DLGAP2: variants seen among roughly 807,000 people sequenced by gnomAD.
DLGAP2 encodes the protein DLG associated protein 2.
Under a neutral mutation model 100.3 loss-of-function variants are expected in DLGAP2, and 26 were observed. That is an observed-to-expected ratio of 0.26 (90% confidence interval 0.19 to 0.36). The LOEUF (loss-of-function observed/expected upper bound fraction) is 0.36, where lower values mean the gene tolerates loss of function less well. Among genes scored for constraint, DLGAP2 ranks in the 10% least tolerant of loss-of-function variants. DLGAP2 has a pLI of 1.00. For missense variants in DLGAP2, 1,858 were observed against 1,453.2 expected, an observed-to-expected ratio of 1.28 and a Z score of -4.53; for synonymous variants, 886 against 630.1, an observed-to-expected ratio of 1.41 and a Z score of -6.08.
At chr8:1,513,782 C>G (rs1419284600) in intron 4 of DLGAP2, among the ~76,000 whole-genome samples, 3 of 152,174 alleles carry the variant, frequency 2.0e-5, no homozygotes, top group Non-Finnish European at 2.9e-5. Flanking sequence ...CCTGGGCACC[C>G]TTCCCCCAGT....
At chr8:1,506,579 C>T (rs532293709) in intron 4 of DLGAP2, among the ~76,000 whole-genome samples, 6 of 152,296 alleles carry the variant, frequency 3.9e-5, no homozygotes, top group African/African-American at 4.8e-5. Flanking sequence ...AAAAATTAAG[C>T]ATCCACACTG....
At chr8:792,712 A>C (rs1291125332) in intron 1 of DLGAP2, among the ~76,000 whole-genome samples, 1 of 152,238 alleles carries the variant, frequency 6.6e-6, no homozygotes, top group Admixed American at 6.5e-5. Context: ...AGGTTTTATC[A>C]AATGCTTATT....
At chr8:1,363,158 G>A (rs921158791) in intron 3 of DLGAP2, among the ~76,000 whole-genome samples, 5 of 152,256 alleles carry the variant, frequency 3.3e-5, no homozygotes, top group African/African-American at 1.2e-4. Flanking sequence ...CCATCTGCAG[G>A]TGGAGCTGGC....
At chr8:1,144,531 T>A (rs1303174979) in intron 2 of DLGAP2, among the ~76,000 whole-genome samples, 1 of 152,226 alleles carries the variant, frequency 6.6e-6, no homozygotes, top group Non-Finnish European at 1.5e-5. Context: ...TTGCTTTGTC[T>A]GTCTCCATCC....
chr8:789,573 G>A (rs888368007), intron 1 of DLGAP2, among the ~76,000 whole-genome samples: 1 of 152,150 alleles, frequency 6.6e-6, no homozygotes, highest in Non-Finnish European at 1.5e-5. Flanking sequence ...AACTGACTCT[G>A]GATGATGGCT....
intron 3 of DLGAP2, among the ~76,000 whole-genome samples, chr8:1,407,343 G>A (rs565446789): frequency 1.3e-5 from 1 of 76,874 alleles, no homozygotes; most frequent in African/African-American, 5.5e-5. Context: ...CTCCAGAGTC[G>A]TGTATTGAGA....
At chr8:1,129,826 C>T (rs182511722) in intron 2 of DLGAP2, among the ~76,000 whole-genome samples, 9 of 152,264 alleles carry the variant, frequency 5.9e-5, no homozygotes, top group East Asian at 3.9e-4. Flanking sequence ...TGTCTGGGAG[C>T]GCTGACTCTG....
At chr8:1,687,592 C>G (rs546280954) in intron 12 of DLGAP2, among the ~76,000 whole-genome samples, 2 of 152,304 alleles carry the variant, frequency 1.3e-5, no homozygotes, top group African/African-American at 4.8e-5. Flanking sequence ...CATTCATTAT[C>G]TCTCCCTAGC....
At chr8:1,337,125 T>G (rs990383203) in intron 3 of DLGAP2, among the ~76,000 whole-genome samples, 4 of 151,842 alleles carry the variant, frequency 2.6e-5, no homozygotes, top group African/African-American at 7.3e-5. Flanking sequence ...ATGATGATGA[T>G]GAGGATGATA....
At chr8:1,004,865 A>G (rs138120607) in intron 2 of DLGAP2, among the ~76,000 whole-genome samples, 1 of 152,342 alleles carries the variant, frequency 6.6e-6, no homozygotes, top group East Asian at 1.9e-4. Flanking sequence ...CCTCAACTGT[A>G]GCAAAATGAA....
intron 3 of DLGAP2, among the ~76,000 whole-genome samples, chr8:1,274,726 C>A (rs1799649184): frequency 2.9e-5 from 1 of 34,274 alleles, no homozygotes; most frequent in East Asian, 7.8e-4. Context: ...TTTTTTTTTG[C>A]CGTAATTGTG....
At chr8:930,229 A>G (rs1159265076) in intron 2 of DLGAP2, among the ~76,000 whole-genome samples, 1 of 152,230 alleles carries the variant, frequency 6.6e-6, no homozygotes, top group Admixed American at 6.5e-5. Context: ...CAAAGGCAAG[A>G]CGTGGAATCC....
intron 3 of DLGAP2, among the ~76,000 whole-genome samples, chr8:1,473,213 G>C (rs1295615848): frequency 4.6e-5 from 7 of 152,220 alleles, no homozygotes; most frequent in Non-Finnish European, 1.0e-4. Context: ...TTACAGTCGT[G>C]AGCCACCGTG....
rs190461193 is a variant in DLGAP2, at chr8:1,180,369, A to T, written c.74-78482A>T. On this transcript the variant is annotated intron_variant, in intron 2 of 14. Coordinates refer to ENST00000637795, the MANE Select transcript of DLGAP2 (RefSeq NM_001346810.2). ...CAGAAGCACGCTTCTGATTTCTTTG[A>T]TTCATTTATTATCATTTTTGAGAAG... 2.3e-3 allele frequency among the ~76,000 whole-genome samples: 348 copies of T among 152,212 alleles called. 3 individuals are homozygous for T. The highest frequency in any genetic ancestry group is 3.5e-3 in the South Asian group (17 of 4,816).
rs888166311 is a variant in DLGAP2, at chr8:1,277,074, A to G, written c.106+18191A>G. ...TGTTTCTAATCATTTTTCTGATACA[A>G]GTTGTACCTTCTGGAATATTATGTC... On this transcript the variant is annotated intron_variant, in intron 3 of 14. Transcript: ENST00000637795. 3.3e-5 allele frequency among the ~76,000 whole-genome samples: 5 copies of G among 152,148 alleles called. No individual in the cohort carries two copies. In the South Asian group the frequency reaches 8.3e-4, roughly 25 times the overall value.
chr8:925,613 G>A (rs979234303), intron 2 of DLGAP2, among the ~76,000 whole-genome samples: 1 of 152,166 alleles, frequency 6.6e-6, no homozygotes, highest in African/African-American at 2.4e-5. Context: ...GGGCCCTCCA[G>A]AGAAGTGGAA....
intron 3 of DLGAP2, among the ~76,000 whole-genome samples, chr8:1,486,616 CAG>C (rs1799242427): frequency 9.1e-6 from 1 of 110,334 alleles, no homozygotes; most frequent in Admixed American, 1.1e-4. Context: ...CTGAGCCTTG[CAG>C]AGAGCCACAA....
chr8:1,201,143 G>A (rs1051415590), intron 2 of DLGAP2, among the ~76,000 whole-genome samples: 1 of 152,204 alleles, frequency 6.6e-6, no homozygotes, highest in African/African-American at 2.4e-5. Flanking sequence ...AGAGGAGGAT[G>A]CCACGGAGCC....
At chr8:1,488,298 G>A (rs1347652839) in intron 3 of DLGAP2, among the ~76,000 whole-genome samples, 3 of 152,166 alleles carry the variant, frequency 2.0e-5, no homozygotes, top group African/African-American at 7.2e-5. Context: ...CACAGCAGGA[G>A]GACGCAGCGG....
Sources: gnomAD v4.1 joint callset for allele counts (sites outside exome capture counted in the v4.1 genomes callset) on GRCh38, gnomAD v4.1.1 for gene constraint, MANE v1.5 for transcripts, NCBI Gene and HGNC (gene_info 2026-07-23, HGNC 2026-07-21) for gene names.